The following CNTNAP2 variants were observed in gnomAD, a reference collection of about 807,000 sequenced individuals.
The protein encoded by CNTNAP2 is contactin associated protein 2, also known as contactin-associated protein-like 2.
Under a neutral mutation model 155.2 loss-of-function variants are expected in CNTNAP2, and 98 were observed. The ratio of observed to expected loss-of-function variants is 0.63; its 90% CI spans 0.54 to 0.75. The LOEUF is 0.75. Ranked by LOEUF, CNTNAP2 falls within the 30% of genes least tolerant of loss-of-function variation. CNTNAP2 has a pLI of 0.00. For synonymous variants in CNTNAP2, 651 were observed against 631.2 expected (o/e 1.03, Z -0.47); for missense variants, 1,727 against 1,688.1 (o/e 1.02, Z -0.40).
chr7:146,697,519 G>A (rs1007266734), intron 1 of CNTNAP2, among the ~76,000 whole-genome samples: 21 of 152,124 alleles, frequency 1.4e-4, no homozygotes, highest in African/African-American at 4.6e-4. Flanking sequence ...GATCATAGGC[G>A]TGAGCCACCA....
intron 15 of CNTNAP2, among the ~76,000 whole-genome samples, chr7:148,039,627 G>T (rs186121546): frequency 6.6e-6 from 1 of 152,230 alleles, no homozygotes; most frequent in East Asian, 1.9e-4. Flanking sequence ...ATCCTCCATC[G>T]CATACTTTGC....
At chr7:148,297,323 T>G (rs1563030634) in intron 21 of CNTNAP2, among the ~76,000 whole-genome samples, 1 of 152,164 alleles carries the variant, frequency 6.6e-6, no homozygotes, top group Non-Finnish European at 1.5e-5. Flanking sequence ...GGGTCTCAAA[T>G]AAGCACACTA....
At chr7:147,855,306 C>G (rs1044119056) in intron 13 of CNTNAP2, among the ~76,000 whole-genome samples, 2 of 152,086 alleles carry the variant, frequency 1.3e-5, no homozygotes, top group Admixed American at 1.3e-4. Flanking sequence ...CTCTGCATGA[C>G]TTCTGAGCCT....
chr7:147,205,301 T>C (rs950423995), intron 8 of CNTNAP2, among the ~76,000 whole-genome samples: 2 of 152,114 alleles, frequency 1.3e-5, no homozygotes, highest in Non-Finnish European at 2.9e-5. Flanking sequence ...TGAGTGCCCA[T>C]CAACTTTGTT....
At chr7:147,220,488 A>G (rs1803373181) in intron 8 of CNTNAP2, among the ~76,000 whole-genome samples, 1 of 152,164 alleles carries the variant, frequency 6.6e-6, no homozygotes, top group East Asian at 1.9e-4. Flanking sequence ...CTGATTATTG[A>G]TATAGTTGTA....
At chr7:147,563,516 C>A (rs572288283) in intron 12 of CNTNAP2, among the ~76,000 whole-genome samples, 20 of 152,120 alleles carry the variant, frequency 1.3e-4, no homozygotes, top group African/African-American at 4.1e-4. Flanking sequence ...GTAGTCCCAG[C>A]TACTCAGGAG....
intron 21 of CNTNAP2, among the ~76,000 whole-genome samples, chr7:148,348,122 C>T (rs572591081): frequency 7.1e-4 from 108 of 152,308 alleles, no homozygotes; most frequent in Middle Eastern, 3.4e-3. Flanking sequence ...AACACTGTTT[C>T]TCTGGTCAGA....
intron 2 of CNTNAP2, among the ~76,000 whole-genome samples, chr7:146,799,244 G>C (rs1419490916): frequency 6.6e-6 from 1 of 152,068 alleles, no homozygotes; most frequent in Non-Finnish European, 1.5e-5. Flanking sequence ...ACCTTCCCTT[G>C]ACTAAAAATG....
chr7:146,242,562 A>T (rs1799580715), intron 1 of CNTNAP2, among the ~76,000 whole-genome samples: 1 of 151,962 alleles, frequency 6.6e-6, no homozygotes, highest in African/African-American at 2.4e-5. Flanking sequence ...AGAGAAAAAG[A>T]AAAAACAAAA....
chr7:146,214,007 A>G (rs1166256011), intron 1 of CNTNAP2, among the ~76,000 whole-genome samples: 2 of 152,228 alleles, frequency 1.3e-5, no homozygotes, highest in African/African-American at 4.8e-5. Context: ...TGGTAAAACA[A>G]TAGTGCTAGG....
chr7:147,555,748 C>A (rs1248557756), intron 11 of CNTNAP2, among the ~76,000 whole-genome samples: 3 of 152,132 alleles, frequency 2.0e-5, no homozygotes, highest in Non-Finnish European at 4.4e-5. Context: ...TTCAAGGTCA[C>A]AACAGGAAGG....
chr7:147,258,290 T>C (rs1288179889), intron 8 of CNTNAP2, among the ~76,000 whole-genome samples: 1 of 152,212 alleles, frequency 6.6e-6, no homozygotes, highest in African/African-American at 2.4e-5. Flanking sequence ...CATATAATGT[T>C]TGGTGATCAG....
At chr7:146,650,741 G>T (rs777113631) in intron 1 of CNTNAP2, among the ~76,000 whole-genome samples, 1 of 152,054 alleles carries the variant, frequency 6.6e-6, no homozygotes, top group East Asian at 1.9e-4. Context: ...AATGGAAAGA[G>T]TACATTGTAA....
chr7:148,372,390 C>T (rs1637857), intron 21 of CNTNAP2, among the ~76,000 whole-genome samples: 50,320 of 151,784 alleles, frequency 0.33, 8,747 homozygotes, highest in Non-Finnish European at 0.39. Context: ...TTAAATTTAC[C>T]TTTTACAATT....
chr7:147,586,916 C>T (rs1800638677), intron 12 of CNTNAP2, among the ~76,000 whole-genome samples: 2 of 152,096 alleles, frequency 1.3e-5, no homozygotes, highest in Non-Finnish European at 2.9e-5. Flanking sequence ...CATTTGTGCT[C>T]ATCATTACCC....
At chr7:146,284,914 A>G (rs1039113073) in intron 1 of CNTNAP2, among the ~76,000 whole-genome samples, 24 of 152,126 alleles carry the variant, frequency 1.6e-4, no homozygotes, top group Non-Finnish European at 2.9e-5. Flanking sequence ...GGCTATGACT[A>G]TGCTTCTTGT....
intron 10 of CNTNAP2, among the ~76,000 whole-genome samples, chr7:147,455,218 T>A (rs1797899884): frequency 6.6e-6 from 1 of 152,148 alleles, no homozygotes; most frequent in Admixed American, 6.6e-5. Flanking sequence ...CCTTAATCTC[T>A]CTTCAGCTTT....
At chr7:147,199,763 T>C (rs1802885104) in intron 8 of CNTNAP2, among the ~76,000 whole-genome samples, 2 of 152,082 alleles carry the variant, frequency 1.3e-5, no homozygotes, top group Admixed American at 1.3e-4. Context: ...GCAGAGGATA[T>C]ACAGAAACAT....
chr7:146,601,036 G>A (rs1338567505), intron 1 of CNTNAP2, among the ~76,000 whole-genome samples: 2 of 151,992 alleles, frequency 1.3e-5, no homozygotes, highest in Admixed American at 6.6e-5. Context: ...AAAGGCAATC[G>A]TTTTAACACT....
Sources: allele counts gnomAD v4.1 joint callset (sites outside exome capture counted in the v4.1 genomes callset), GRCh38; gene constraint gnomAD v4.1.1; transcripts MANE v1.5; gene names NCBI Gene and HGNC (gene_info 2026-07-23, HGNC 2026-07-21).